The following FRMD5 variants were observed in gnomAD, a reference collection of about 807,000 sequenced individuals.
FRMD5 encodes FERM domain containing 5.
Under a neutral mutation model 69.0 loss-of-function variants are expected in FRMD5, and 20 were observed. The ratio of observed to expected loss-of-function variants is 0.29; its 90% CI spans 0.20 to 0.42. The LOEUF (loss-of-function observed/expected upper bound fraction) is 0.42. FRMD5 is among the 10% of genes least tolerant of loss of function. FRMD5 has a pLI of 1.00. For missense variants in FRMD5, 595 were observed against 708.6 expected, an observed-to-expected ratio of 0.84 and a Z score of 1.82; for synonymous variants, 271 against 260.1, an observed-to-expected ratio of 1.04 and a Z score of -0.40.
At chr15:43,907,799 C>T (rs934348856) in intron 5 of FRMD5, among the ~76,000 whole-genome samples, 1 of 152,090 alleles carries the variant, frequency 6.6e-6, no homozygotes, top group Admixed American at 6.6e-5. Context: ...AGCCACCGTG[C>T]CAGGCCTAAT....
In FRMD5 at chr15:44,188,537, G is replaced by A. The variant is rs774463994; in HGVS notation, c.102+6416C>T. On this transcript the variant is annotated intron_variant, in intron 1 of 13. Transcript: ENST00000417257. ...AAACAGACTGCTGAACTCCATCCCCGGAGTTTTTGATTCACTAGGTCTGGG... is the reference window on the plus strand; with the variant it reads ...AAACAGACTGCTGAACTCCATCCCCAGAGTTTTTGATTCACTAGGTCTGGG... Among the ~76,000 whole-genome samples the A allele has an allele frequency of 8.5e-5, 13 of 152,190 alleles. No homozygotes were observed. The East Asian group carries it at 1.9e-3, about 23-fold the overall frequency.
In FRMD5 at chr15:43,906,028, C is replaced by T. The variant is rs1269488773; in HGVS notation, c.428-77G>A. On this transcript the variant is annotated intron_variant, in intron 5 of 13. Transcript: ENST00000417257. ...TTGACAAAGCAACAAGAGATTAGCA[C>T]ACAGAGCAAAAGCCAAAATACACAT... 9 of 1,584,330 alleles carry T rather than the reference C, an allele frequency of 5.7e-6. No homozygotes were observed. In the East Asian group the frequency reaches 2.0e-4, roughly 35 times the overall value.
chr15:43,959,860 T>C (rs1366967851), intron 1 of FRMD5, among the ~76,000 whole-genome samples: 2 of 152,230 alleles, frequency 1.3e-5, no homozygotes, highest in Admixed American at 6.5e-5. Flanking sequence ...TCATTGATAC[T>C]ACTGAAAGGG....
intron 1 of FRMD5, among the ~76,000 whole-genome samples, chr15:44,095,694 T>C (rs1050436776): frequency 6.6e-6 from 1 of 152,142 alleles, no homozygotes; most frequent in African/African-American, 2.4e-5. Flanking sequence ...CAGGATTCTG[T>C]AGCTTTTCCA....
Position 44,060,865 on chromosome 15 carries a change from C to A in FRMD5, c.102+134088G>T, listed in dbSNP as rs143072614. 3.2e-4 allele frequency among the ~76,000 whole-genome samples: 48 copies of A among 152,236 alleles called. 1 individual carries two copies. The highest frequency in any genetic ancestry group is 1.2e-3 in the African/African-American group (48 of 41,532). On this transcript the variant is annotated intron_variant, in intron 1 of 13. Coordinates refer to ENST00000417257, the MANE Select transcript of FRMD5 (RefSeq NM_032892.5). Reference sequence around the variant, plus strand: ...CTCTAAGAGAGGAACTGAGACAGGCCCCTGTGTGCAAACATTTTATATCCC... The same window carrying A: ...CTCTAAGAGAGGAACTGAGACAGGCACCTGTGTGCAAACATTTTATATCCC...
chr15:43,940,922 T>C (rs114749474), intron 1 of FRMD5, among the ~76,000 whole-genome samples: 220 of 152,362 alleles, frequency 1.4e-3, no homozygotes, highest in African/African-American at 5.2e-3. Flanking sequence ...CTGAATTAAT[T>C]AAGGAAATAA....
At chr15:44,044,328 G>A (rs1220124452) in intron 1 of FRMD5, among the ~76,000 whole-genome samples, 1 of 152,188 alleles carries the variant, frequency 6.6e-6, no homozygotes, top group Non-Finnish European at 1.5e-5. Context: ...TGGTGGGACT[G>A]TAAACTAGTT....
intron 1 of FRMD5, among the ~76,000 whole-genome samples, chr15:43,991,611 T>C (rs1169622988): frequency 6.6e-6 from 1 of 152,172 alleles, no homozygotes; most frequent in Admixed American, 6.5e-5. Context: ...GGAGGACAAA[T>C]ATTGACCTTT....
intron 1 of FRMD5, among the ~76,000 whole-genome samples, chr15:44,015,340 T>C (rs1890909247): frequency 6.6e-6 from 1 of 152,060 alleles, no homozygotes; most frequent in Admixed American, 6.6e-5. Context: ...TGGGGTCTCA[T>C]TATGTTGCCC....
At chr15:43,922,525 T>G (rs534572303) in intron 2 of FRMD5, among the ~76,000 whole-genome samples, 1 of 152,274 alleles carries the variant, frequency 6.6e-6, no homozygotes, top group South Asian at 2.1e-4. Context: ...CATTTTAACC[T>G]TCACCACATC....
At chr15:43,985,280 CAAAAAAAAAAAAAA>C (rs34455065) in intron 1 of FRMD5, among the ~76,000 whole-genome samples, 1 of 77,246 alleles carries the variant, frequency 1.3e-5, no homozygotes, top group South Asian at 7.1e-4. Flanking sequence ...GACTCCGTCT[CAAAAAAAAAAAAAA>C]AAAAAAAAAA....
chr15:44,074,102 G>A (rs1893655642), intron 1 of FRMD5, among the ~76,000 whole-genome samples: 1 of 152,078 alleles, frequency 6.6e-6, no homozygotes, highest in Admixed American at 6.5e-5. Flanking sequence ...GTTTGGCTTT[G>A]CAGGTAAGTC....
At chr15:44,197,092 T>C (rs1305974734), upstream of FRMD5, among the ~76,000 whole-genome samples, 2 of 151,970 alleles carry the variant, frequency 1.3e-5, no homozygotes, top group African/African-American at 2.4e-5. Context: ...TCCCAGCTAC[T>C]GGGGAGGCTG....
At chr15:43,961,574 T>C (rs1389420159) in intron 1 of FRMD5, among the ~76,000 whole-genome samples, 1 of 152,174 alleles carries the variant, frequency 6.6e-6, no homozygotes, top group Non-Finnish European at 1.5e-5. Context: ...ATCATCCTGA[T>C]ACCAAAGCCT....
Position 43,951,683 on chromosome 15 carries a change from T to C in FRMD5, c.103-27374A>G, listed in dbSNP as rs115083948. 3.8e-3 allele frequency among the ~76,000 whole-genome samples: 586 copies of C among 152,306 alleles called. 2 individuals are homozygous for C. Among genetic ancestry groups the C allele is most frequent in the African/African-American group, 0.013 (555 of 41,562 alleles). On this transcript the variant is annotated intron_variant, in intron 1 of 13. Transcript: ENST00000417257. ...TAACTGTATTAGATGTTATTGTCCT[T>C]TAATGCTTTTGAGCCTTAAACTGCT... is the stretch of plus-strand genomic sequence containing the variant.
chr15:43,972,450 G>T (rs962596496), intron 1 of FRMD5, among the ~76,000 whole-genome samples: 1 of 151,948 alleles, frequency 6.6e-6, no homozygotes, highest in Non-Finnish European at 1.5e-5. Flanking sequence ...TGTGGCAGGG[G>T]GTTAGCGGTT....
chr15:43,942,989 C>A (rs933243065), intron 1 of FRMD5, among the ~76,000 whole-genome samples: 3 of 152,170 alleles, frequency 2.0e-5, no homozygotes, highest in Admixed American at 2.0e-4. Context: ...CTCCTGTAAT[C>A]CCAGCACTTT....
chr15:44,153,243 T>G (rs2077474624), intron 1 of FRMD5, among the ~76,000 whole-genome samples: 1 of 152,124 alleles, frequency 6.6e-6, no homozygotes, highest in African/African-American at 2.4e-5. Flanking sequence ...GAACACAAGG[T>G]CTCAAAGAGA....
chr15:43,996,722 T>TC (rs1420433796), intron 1 of FRMD5, among the ~76,000 whole-genome samples: 2 of 146,256 alleles, frequency 1.4e-5, no homozygotes, highest in Non-Finnish European at 3.0e-5. Context: ...CTGATTTTTT[T>TC]TTTTTTTTTT....
Sources: allele counts gnomAD v4.1 joint callset (sites outside exome capture counted in the v4.1 genomes callset), GRCh38; gene constraint gnomAD v4.1.1; transcripts MANE v1.5; gene names NCBI Gene and HGNC (gene_info 2026-07-23, HGNC 2026-07-21).